The following LRBA variants were observed in gnomAD, a reference collection of about 807,000 sequenced individuals.
LRBA encodes the protein lipopolysaccharide-responsive and beige-like anchor protein.
LRBA carries 176 observed loss-of-function variants against 330.0 expected under a neutral mutation model. The ratio of observed to expected loss-of-function variants is 0.53; its 90% confidence interval spans 0.47 to 0.60. The LOEUF is 0.60. Ranked by LOEUF, LRBA falls within the 20% of genes least tolerant of loss-of-function variation. The pLI, the probability that LRBA is intolerant of heterozygous loss-of-function variation, is 0.00. For synonymous variants in LRBA, 1,230 were observed against 1,193.0 expected (o/e 1.03, Z -0.64); for missense variants, 3,259 against 3,444.8 (o/e 0.95, Z 1.35).
rs1191285822 is a variant in LRBA, at chr4:150,996,948, T to C, written c.216+17479A>G. Among the ~76,000 whole-genome samples, 4 of 152,244 alleles carry C rather than the reference T, an allele frequency of 2.6e-5. No homozygotes were observed. The East Asian group carries it at 5.8e-4, about 22-fold the overall frequency. ...ATAAAATAATCCCGTAAAACACTTATGTTTATCAGCAGACTCAGATATACA... is the reference window on the plus strand; with the variant it reads ...ATAAAATAATCCCGTAAAACACTTACGTTTATCAGCAGACTCAGATATACA... On this transcript the variant is annotated intron_variant, in intron 2 of 56. Transcript: ENST00000651943.
At chr4:150,984,954 T>C (rs1293083773) in intron 2 of LRBA, among the ~76,000 whole-genome samples, 4 of 152,182 alleles carry the variant, frequency 2.6e-5, no homozygotes, top group African/African-American at 4.8e-5. Flanking sequence ...AAGAAAGTAA[T>C]TAAGCATTTT....
chr4:150,935,897 A>T (rs1735036857), intron 2 of LRBA, among the ~76,000 whole-genome samples: 1 of 152,016 alleles, frequency 6.6e-6, no homozygotes, highest in Non-Finnish European at 1.5e-5. Context: ...TAGATAACTT[A>T]AAATATCAAA....
At chr4:150,404,627 T>C (rs1745936770) in intron 47 of LRBA, among the ~76,000 whole-genome samples, 1 of 152,178 alleles carries the variant, frequency 6.6e-6, no homozygotes, top group Admixed American at 6.5e-5. Context: ...CTTTCAGCTA[T>C]ATCACTGAGG....
chr4:150,749,140 A>G (rs1045972306), intron 35 of LRBA, among the ~76,000 whole-genome samples: 1 of 152,206 alleles, frequency 6.6e-6, no homozygotes, highest in Non-Finnish European at 1.5e-5. Flanking sequence ...CCTAAATGTA[A>G]GAGTTATAAC....
intron 42 of LRBA, among the ~76,000 whole-genome samples, chr4:150,487,385 T>C (rs985201475): frequency 3.7e-4 from 56 of 151,502 alleles, no homozygotes; most frequent in African/African-American, 1.3e-3. Context: ...AATCTTACAA[T>C]ATACACTTTT....
At chr4:150,344,644 C>T (rs187700442) in intron 48 of LRBA, among the ~76,000 whole-genome samples, 25 of 152,314 alleles carry the variant, frequency 1.6e-4, no homozygotes, top group African/African-American at 6.0e-4. Flanking sequence ...TCAATGCAGC[C>T]TCCAACTCCT....
intron 40 of LRBA, among the ~76,000 whole-genome samples, chr4:150,570,222 AT>A (rs1321268616): frequency 1.3e-5 from 2 of 151,754 alleles, no homozygotes; most frequent in Non-Finnish European, 2.9e-5. Context: ...TGTGTCGGGA[AT>A]TTTTTTTTCC....
chr4:150,703,076 G>A (rs560019165), intron 36 of LRBA, among the ~76,000 whole-genome samples: 2 of 152,126 alleles, frequency 1.3e-5, no homozygotes, highest in Non-Finnish European at 2.9e-5. Flanking sequence ...CGTAAGAATC[G>A]CTTGAACCCT....
chr4:150,492,508 CAG>C lies in LRBA; in HGVS notation c.6331-1475_6331-1474del, dbSNP rs1446873253. On this transcript the variant is annotated intron_variant, in intron 40 of 56. Coordinates refer to ENST00000651943, the MANE Select transcript of LRBA (RefSeq NM_001364905.1). ...ATGTATCCCTTTCTCTCACTTTGAC[CAG>C]AGATACCACCAGTTGGTCTATGGCC... 2.0e-5 allele frequency among the ~76,000 whole-genome samples: 3 copies of C among 152,202 alleles called. No homozygotes were observed. In the East Asian group the frequency reaches 5.8e-4, roughly 29 times the overall value.
chr4:150,511,784 G>A (rs1172388239), intron 40 of LRBA, among the ~76,000 whole-genome samples: 1 of 152,202 alleles, frequency 6.6e-6, no homozygotes, highest in African/African-American at 2.4e-5. Flanking sequence ...AGATGACGCA[G>A]TCAAAATCAC....
At chr4:150,973,148 C>CTT (rs1554011519) in intron 2 of LRBA, among the ~76,000 whole-genome samples, 1 of 149,464 alleles carries the variant, frequency 6.7e-6, no homozygotes, top group Non-Finnish European at 1.5e-5. Flanking sequence ...TTTTGTCTGT[C>CTT]TGTTTGTTTG....
At chr4:150,320,487 T>G (rs945301338) in intron 50 of LRBA, among the ~76,000 whole-genome samples, 34 of 151,942 alleles carry the variant, frequency 2.2e-4, no homozygotes, top group African/African-American at 8.2e-4. Context: ...AAAGGTACAG[T>G]TTCTGGCACA....
intron 15 of LRBA, 149 bp downstream of exon 15, chr4:150,897,590 C>T: frequency 1.7e-6 from 1 of 584,972 alleles, no homozygotes; most frequent in Admixed American, 3.1e-5. Flanking sequence ...CAAAAAAGAA[C>T]CAAAACAAAC....
chr4:150,275,030 A>G (rs943091745), intron 56 of LRBA, among the ~76,000 whole-genome samples: 2 of 152,234 alleles, frequency 1.3e-5, no homozygotes, highest in African/African-American at 4.8e-5. Context: ...AAAATCCTCA[A>G]TAAAATACTG....
At chr4:150,607,035 A>G (rs1355993979) in intron 37 of LRBA, among the ~76,000 whole-genome samples, 6 of 152,226 alleles carry the variant, frequency 3.9e-5, no homozygotes, top group Non-Finnish European at 8.8e-5. Context: ...AAGAAATAGC[A>G]TGGATAAAGG....
intron 37 of LRBA, among the ~76,000 whole-genome samples, chr4:150,656,842 T>C (rs1231818612): frequency 1.3e-5 from 2 of 152,214 alleles, no homozygotes; most frequent in African/African-American, 4.8e-5. Context: ...ATTGAATGAA[T>C]AAATAAATGA....
intron 48 of LRBA, among the ~76,000 whole-genome samples, chr4:150,335,532 G>A (rs570010600): frequency 6.9e-6 from 1 of 144,814 alleles, no homozygotes; most frequent in African/African-American, 2.6e-5. Context: ...ATATATGTGT[G>A]TATATATATA....
At chr4:150,855,925 A>C (rs1275713322) in intron 22 of LRBA, among the ~76,000 whole-genome samples, 1 of 152,214 alleles carries the variant, frequency 6.6e-6, no homozygotes, top group Admixed American at 6.5e-5. Flanking sequence ...GCAGGGCTTC[A>C]GCTTATTTGA....
rs60145657 is a variant in LRBA at position 150,697,325 on chromosome 4, G to GAAAAAAAAAAAAAAAAAA, written c.5755-13626_5755-13609dup. Among the ~76,000 whole-genome samples, 5 of 28,052 alleles carry GAAAAAAAAAAAAAAAAAA rather than the reference G, an allele frequency of 1.8e-4. 1 individual carries two copies. The highest frequency in any genetic ancestry group is 5.3e-4 in the African/African-American group (4 of 7,600). The allele number at this position is 28,052 out of a possible 152,430, so 18.4% of individuals were successfully genotyped here. On this transcript the variant is annotated intron_variant, in intron 36 of 56. Coordinates refer to ENST00000651943, the MANE Select transcript of LRBA (RefSeq NM_001364905.1). Reference sequence around the variant, plus strand: ...GGTGACAGAGTGAGACTTTGTCTCAGAAAAAAAAAAAAAAAAAAAAAAAAA... The same window carrying GAAAAAAAAAAAAAAAAAA: ...GGTGACAGAGTGAGACTTTGTCTCAGAAAAAAAAAAAAAAAAAAAAAAAAAAAAAAAAAAAAAAAAAAA...
Sources: allele counts gnomAD v4.1 joint callset (sites outside exome capture counted in the v4.1 genomes callset), GRCh38; gene constraint gnomAD v4.1.1; transcripts MANE v1.5; gene names NCBI Gene and HGNC (gene_info 2026-07-23, HGNC 2026-07-21).